The following HACE1 variants were observed in gnomAD, a reference collection of about 807,000 sequenced individuals.
HACE1 encodes the protein E3 ubiquitin-protein ligase HACE1.
Under a neutral mutation model 118.4 loss-of-function variants are expected in HACE1, and 73 were observed. The ratio of observed to expected loss-of-function variants is 0.62; its 90% CI spans 0.51 to 0.75. The LOEUF is 0.75. Ranked by LOEUF, HACE1 falls within the 30% of genes least tolerant of loss-of-function variation. HACE1 has a pLI of 0.00. For missense variants in HACE1, 749 were observed against 1,102.2 expected (o/e 0.68, Z 4.54); for synonymous variants, 368 against 374.8 (o/e 0.98, Z 0.21).
intron 4 of HACE1, among the ~76,000 whole-genome samples, chr6:104,847,781 A>C (rs1562503879): frequency 6.6e-6 from 1 of 152,072 alleles, no homozygotes; most frequent in Non-Finnish European, 1.5e-5. Flanking sequence ...ACGCATTTGT[A>C]TACCGTGTCC....
At chr6:104,730,254 A>G in intron 23 of HACE1, 49 bp downstream of exon 23, 1 of 926,222 alleles carries the variant, frequency 1.1e-6, no homozygotes, top group Non-Finnish European at 1.8e-6. Flanking sequence ...ATCATTCAAA[A>G]TTAATCAAAA....
chr6:104,772,103 T>C (rs1780684461), intron 17 of HACE1, 29 bp from the exon 18 acceptor site: 2 of 1,245,528 alleles, frequency 1.6e-6, no homozygotes, highest in Non-Finnish European at 2.3e-6. Context: ...AATAATATAT[T>C]ATTAAGAATC....
Position 104,772,004 on chromosome 6 carries a change from C to T in HACE1, c.1935G>A (p.Gly645=). 1 of 1,609,036 alleles carries T rather than the reference C, an allele frequency of 6.2e-7. No individual in the cohort carries two copies. The highest frequency in any genetic ancestry group is 8.5e-7 in the Non-Finnish European group (1 of 1,175,622). Residue 645 remains glycine (G), a synonymous_variant, in exon 18 of 24, where the codon GGG becomes GGA. Transcript: ENST00000262903. ...PDHLNYFRFA[G]QILGLALNHR... is the part of the protein sequence containing the mutation. ...GGTTCAACGCTAATCCCAAGATCTG[C>T]CCAGCAAACCGAAAATAGTTCAAGT...
At chr6:104,737,571 G>A (rs929496770) in intron 22 of HACE1, among the ~76,000 whole-genome samples, 23 of 152,242 alleles carry the variant, frequency 1.5e-4, no homozygotes, top group African/African-American at 4.6e-4. Context: ...GGTGACAGAC[G>A]GCACCTAGAA....
At position 104,796,665 on chromosome 6, in the gene HACE1, C is replaced by T. The variant is rs778943809; in HGVS notation, c.806G>A (p.Arg269Gln). 3.4e-6 allele frequency: 5 copies of T among 1,486,384 alleles called. No individual in the cohort carries two copies. Among genetic ancestry groups the T allele is most frequent in the Admixed American group, 1.7e-5 (1 of 59,756 alleles). 92.1% of individuals were successfully genotyped at this position (1,486,384 alleles called of 1,614,324 possible). A position where few individuals can be genotyped will look rare whatever the true frequency, so the allele number is the denominator to read the frequency against. The part of the protein sequence containing the change: ...IIQMTQNEDL[R>Q]ENMLRQVLEH... ...TCACAAATACAATACCATGTTTTCT[C>T]GGAGGTCTTCATTCTGTGTCATTTG... Residue 269 changes from arginine to glutamine, a missense_variant, in exon 9 of 24, where the codon CGA becomes CAA. Coordinates refer to ENST00000262903, the MANE Select transcript of HACE1 (RefSeq NM_020771.4).
intron 19 of HACE1, among the ~76,000 whole-genome samples, chr6:104,752,106 C>T (rs575740569): frequency 6.6e-6 from 1 of 152,232 alleles, no homozygotes; most frequent in South Asian, 2.1e-4. Flanking sequence ...CTGTGTGGCT[C>T]CTTTTATAAT....
intron 20 of HACE1, among the ~76,000 whole-genome samples, chr6:104,749,164 T>C (rs1179659230): frequency 6.6e-6 from 1 of 152,154 alleles, no homozygotes; most frequent in African/African-American, 2.4e-5. Flanking sequence ...TGCTCTGTTT[T>C]GAATTTCAAA....
At chr6:104,839,868 T>C (rs1425008372) in intron 5 of HACE1, among the ~76,000 whole-genome samples, 1 of 152,072 alleles carries the variant, frequency 6.6e-6, no homozygotes, top group African/African-American at 2.4e-5. Context: ...TAGCTGGGCA[T>C]GGTGACGCAC....
chr6:104,738,213 G>A (rs527907029), intron 22 of HACE1, among the ~76,000 whole-genome samples: 2 of 152,262 alleles, frequency 1.3e-5, no homozygotes, highest in South Asian at 4.1e-4. Flanking sequence ...CCACAAAGAT[G>A]GGGAAAAAAC....
intron 19 of HACE1, among the ~76,000 whole-genome samples, chr6:104,753,729 C>T (rs1582668842): frequency 6.6e-6 from 1 of 152,140 alleles, no homozygotes; most frequent in East Asian, 1.9e-4. Context: ...CAAAAAGACC[C>T]CACAAAAACC....
intron 7 of HACE1, among the ~76,000 whole-genome samples, chr6:104,797,621 C>G (rs1769815329): frequency 1.3e-5 from 2 of 152,120 alleles, no homozygotes; most frequent in African/African-American, 4.8e-5. Context: ...ATTTTATCAA[C>G]CCACTCAGTT....
chr6:104,757,042 T>G (rs1778782694), intron 19 of HACE1, among the ~76,000 whole-genome samples: 2 of 151,994 alleles, frequency 1.3e-5, no homozygotes, highest in African/African-American at 4.8e-5. Context: ...CTGCTCACAG[T>G]ATAAACAAAG....
rs577296670 is a variant in HACE1 at position 104,850,014 on chromosome 6, A to G, written c.222-768T>C. 9.4e-5 allele frequency among the ~76,000 whole-genome samples: 14 copies of G among 149,256 alleles called. No individual in the cohort carries two copies. The East Asian group carries it at 2.8e-3, about 30-fold the overall frequency. On this transcript the variant is annotated intron_variant, in intron 3 of 23. Coordinates refer to ENST00000262903, the MANE Select transcript of HACE1 (RefSeq NM_020771.4). ...ACCCAGGCTGGAAAGCAGTGGCACA[A>G]TCTTGGCTCACTGCAACCTCAGCCT... is the stretch of plus-strand genomic sequence containing the variant.
intron 1 of HACE1, among the ~76,000 whole-genome samples, chr6:104,852,761 A>G (rs1462430922): frequency 1.3e-5 from 2 of 152,176 alleles, no homozygotes; most frequent in Non-Finnish European, 2.9e-5. Context: ...CCAAAGAGGT[A>G]TTTATAGGCA....
At chr6:104,750,504 T>C in intron 19 of HACE1, 32 bp from the exon 20 acceptor site, 1 of 1,601,420 alleles carries the variant, frequency 6.2e-7, no homozygotes, top group Non-Finnish European at 8.6e-7. Flanking sequence ...TGATGACTTT[T>C]CAAAAACCTT....
chr6:104,736,767 G>C (rs1415428242), intron 22 of HACE1, among the ~76,000 whole-genome samples: 1 of 151,870 alleles, frequency 6.6e-6, no homozygotes, highest in Non-Finnish European at 1.5e-5. Context: ...GAAGTACCTT[G>C]CCCAGCCTAT....
chr6:104,740,321 G>T (rs1196755961), intron 22 of HACE1, among the ~76,000 whole-genome samples: 1 of 149,726 alleles, frequency 6.7e-6, no homozygotes, highest in Non-Finnish European at 1.5e-5. Context: ...TAAAATCAGA[G>T]CAGAACTGAA....
chr6:104,809,971 AG>A (rs1424518944), intron 7 of HACE1, among the ~76,000 whole-genome samples: 4 of 152,086 alleles, frequency 2.6e-5, no homozygotes, highest in African/African-American at 7.2e-5. Context: ...ACTGGGGGAA[AG>A]GTTTGAGGAA....
At chr6:104,767,041 A>G (rs997253009) in intron 19 of HACE1, 1 of 152,354 alleles carries the variant, frequency 6.6e-6, no homozygotes, top group Non-Finnish European at 1.5e-5. Flanking sequence ...CATTATAAAA[A>G]CCTAATAAAT....
Sources: gnomAD v4.1 joint callset for allele counts (sites outside exome capture counted in the v4.1 genomes callset) on GRCh38, gnomAD v4.1.1 for gene constraint, MANE v1.5 for transcripts, NCBI Gene and HGNC (gene_info 2026-07-23, HGNC 2026-07-21) for gene names.